ENTREP2: variants seen among roughly 807,000 people sequenced by gnomAD.
The protein encoded by ENTREP2 is protein ENTREP2.
At chr15:29,536,965 C>G in the ENTREP2 span, among the ~76,000 whole-genome samples, 1 of 152,098 alleles carries the variant, frequency 6.6e-6, no homozygotes, top group Non-Finnish European at 1.5e-5. Context: ...TCTGTTGATG[C>G]CTTCAGGTTG....
chr15:29,317,780 T>C, the ENTREP2 span, among the ~76,000 whole-genome samples: 2 of 152,108 alleles, frequency 1.3e-5, no homozygotes, highest in South Asian at 4.2e-4. Context: ...AGGCAAAAAC[T>C]GTCACAGCAG....
the ENTREP2 span, chr15:29,269,809 T>C: frequency 1.2e-5 from 14 of 1,142,744 alleles, no homozygotes; most frequent in Non-Finnish European, 1.6e-5. Context: ...GCGCGCGCAG[T>C]GTCGGCTGAG....
the ENTREP2 span, among the ~76,000 whole-genome samples, chr15:29,200,222 C>T: frequency 6.6e-6 from 1 of 152,114 alleles, no homozygotes; most frequent in Non-Finnish European, 1.5e-5. Context: ...GTCACCCAGG[C>T]TGGAGTGCAG....
chr15:29,159,179 T>A, the ENTREP2 span, among the ~76,000 whole-genome samples: 1 of 150,850 alleles, frequency 6.6e-6, no homozygotes, highest in Non-Finnish European at 1.5e-5. Flanking sequence ...GTGTTTGGAG[T>A]TTTTTCTGGT....
chr15:29,179,952 A>G, the ENTREP2 span, among the ~76,000 whole-genome samples: 2 of 152,020 alleles, frequency 1.3e-5, no homozygotes, highest in African/African-American at 2.4e-5. Flanking sequence ...AAGCAGATGA[A>G]TTTGCCCAAG....
chr15:29,486,345 A>G, the ENTREP2 span, among the ~76,000 whole-genome samples: 3 of 152,226 alleles, frequency 2.0e-5, no homozygotes, highest in East Asian at 1.9e-4. Flanking sequence ...CTATTTGGCC[A>G]TAAGATAGAA....
At chr15:29,157,091 T>C in the ENTREP2 span, among the ~76,000 whole-genome samples, 3 of 152,138 alleles carry the variant, frequency 2.0e-5, no homozygotes, top group East Asian at 5.8e-4. Flanking sequence ...AGCGAGACTC[T>C]GTCTGGAAGA....
the ENTREP2 span, among the ~76,000 whole-genome samples, chr15:29,200,721 G>C: frequency 6.6e-6 from 1 of 151,740 alleles, no homozygotes; most frequent in Non-Finnish European, 1.5e-5. Flanking sequence ...ACCAGGCCCA[G>C]CTAATTTTTT....
At chr15:29,399,513 A>G in the ENTREP2 span, among the ~76,000 whole-genome samples, 1 of 152,260 alleles carries the variant, frequency 6.6e-6, no homozygotes, top group African/African-American at 2.4e-5. Context: ...TCAGAAGAAT[A>G]AGAAACCATA....
the ENTREP2 span, among the ~76,000 whole-genome samples, chr15:29,176,432 C>A: frequency 2.0e-5 from 3 of 152,094 alleles, no homozygotes; most frequent in East Asian, 5.8e-4. Flanking sequence ...TGGATGGTGA[C>A]AATAATTTTA....
chr15:29,642,769 C>T, the ENTREP2 span, among the ~76,000 whole-genome samples: 1 of 151,994 alleles, frequency 6.6e-6, no homozygotes, highest in Non-Finnish European at 1.5e-5. Context: ...CACGCCACGA[C>T]ACACGGCTAA....
chr15:29,131,895 C>G, the ENTREP2 span, among the ~76,000 whole-genome samples: 4 of 66,722 alleles, frequency 6.0e-5, no homozygotes, highest in Non-Finnish European at 1.3e-4. Flanking sequence ...TCCTTGAACA[C>G]TGGCTGAAGA....
chr15:29,363,456 T>C, the ENTREP2 span, among the ~76,000 whole-genome samples: 2 of 152,184 alleles, frequency 1.3e-5, no homozygotes, highest in Non-Finnish European at 2.9e-5. Context: ...GAATTTCTGA[T>C]GGGCACAGCA....
the ENTREP2 span, among the ~76,000 whole-genome samples, chr15:29,607,712 G>GCT: frequency 6.6e-6 from 1 of 151,986 alleles, no homozygotes; most frequent in African/African-American, 2.4e-5. Context: ...CTCTTCTAGT[G>GCT]CTCGTTTTTT....
chr15:29,647,270 C>T, the ENTREP2 span, among the ~76,000 whole-genome samples: 2 of 152,232 alleles, frequency 1.3e-5, no homozygotes, highest in African/African-American at 4.8e-5. Flanking sequence ...TTGCCTAAGC[C>T]ACTCTAATGT....
the ENTREP2 span, among the ~76,000 whole-genome samples, chr15:29,527,162 T>C: frequency 6.6e-6 from 1 of 152,164 alleles, no homozygotes; most frequent in Non-Finnish European, 1.5e-5. Context: ...AAATTCCTCA[T>C]GGCCAGGCCA....
At chr15:29,409,081 A>T in the ENTREP2 span, among the ~76,000 whole-genome samples, 2 of 152,214 alleles carry the variant, frequency 1.3e-5, no homozygotes, top group African/African-American at 4.8e-5. Flanking sequence ...AATTTGTTCA[A>T]ACTAGCTTCC....
the ENTREP2 span, among the ~76,000 whole-genome samples, chr15:29,447,156 T>C: frequency 3.9e-5 from 6 of 152,286 alleles, no homozygotes; most frequent in East Asian, 5.8e-4. Flanking sequence ...AATCAAATAA[T>C]TTTTAATTAA....
the ENTREP2 span, among the ~76,000 whole-genome samples, chr15:29,183,988 C>CT: frequency 8.7e-5 from 13 of 149,956 alleles, no homozygotes; most frequent in African/African-American, 2.2e-4. Flanking sequence ...TAGCTAGTAA[C>CT]TTTTTTTTTT....
Sources: allele counts gnomAD v4.1 joint callset (sites outside exome capture counted in the v4.1 genomes callset), GRCh38; gene constraint gnomAD v4.1.1; transcripts MANE v1.5; gene names NCBI Gene and HGNC (gene_info 2026-07-23, HGNC 2026-07-21).